KIAA1549L: variants seen among roughly 807,000 people sequenced by gnomAD.
KIAA1549L encodes the protein KIAA1549 like.
KIAA1549L carries 88 observed loss-of-function variants against 160.7 expected under a neutral mutation model. The observed-to-expected ratio is 0.55, with a 90% CI of 0.46 to 0.65. The LOEUF is 0.65. Among genes scored for constraint, KIAA1549L ranks in the 30% least tolerant of loss-of-function variants. The pLI is 0.00. For missense variants in KIAA1549L, 2,258 were observed against 2,437.5 expected (o/e 0.93, Z 1.55); for synonymous variants, 950 against 976.7 (o/e 0.97, Z 0.51).
At chr11:33,585,126 A>G (rs1855770241) in intron 11 of KIAA1549L, among the ~76,000 whole-genome samples, 2 of 152,224 alleles carry the variant, frequency 1.3e-5, no homozygotes, top group African/African-American at 4.8e-5. Flanking sequence ...GTTCTGTTTC[A>G]GTTGACACAA....
chr11:33,536,775 A>T (rs1489233697), intron 1 of KIAA1549L, among the ~76,000 whole-genome samples: 1 of 152,190 alleles, frequency 6.6e-6, no homozygotes, highest in African/African-American at 2.4e-5. Flanking sequence ...ATAAAGGAGG[A>T]TCTGTTTCCA....
chr11:33,655,919 G>T, intron 17 of KIAA1549L, 93 bp from the exon 18 acceptor site: 1 of 818,814 alleles, frequency 1.2e-6, no homozygotes, highest in Non-Finnish European at 2.1e-6. Flanking sequence ...TCTGACCCTT[G>T]GAAGTTTGCT....
At chr11:33,581,237 C>G (rs1424503843) in intron 10 of KIAA1549L, among the ~76,000 whole-genome samples, 1 of 152,136 alleles carries the variant, frequency 6.6e-6, no homozygotes, top group East Asian at 1.9e-4. Context: ...TCCAGTCACC[C>G]CAGTTATGAG....
chr11:33,563,348 C>CAAAA (rs68027285), intron 8 of KIAA1549L, among the ~76,000 whole-genome samples: 1 of 95,938 alleles, frequency 1.0e-5, no homozygotes, highest in Non-Finnish European at 2.0e-5. Context: ...GACCGTGTCT[C>CAAAA]AAAAAAAAAA....
At chr11:33,395,471 G>A (rs934405139) in intron 1 of KIAA1549L, among the ~76,000 whole-genome samples, 4 of 151,928 alleles carry the variant, frequency 2.6e-5, no homozygotes, top group Non-Finnish European at 1.5e-5. Flanking sequence ...TCTATATATC[G>A]ATGAGAAAAT....
intron 1 of KIAA1549L, among the ~76,000 whole-genome samples, chr11:33,412,264 A>G (rs1850799790): frequency 6.6e-6 from 1 of 152,208 alleles, no homozygotes; most frequent in Non-Finnish European, 1.5e-5. Context: ...AGAAAAATCT[A>G]TATGTTTATC....
At chr11:33,380,534 G>C (rs938433544) in intron 1 of KIAA1549L, among the ~76,000 whole-genome samples, 13 of 152,136 alleles carry the variant, frequency 8.5e-5, no homozygotes, top group Admixed American at 3.3e-4. Context: ...GAGTTCTGTG[G>C]ATATCTATCA....
intron 17 of KIAA1549L, among the ~76,000 whole-genome samples, chr11:33,650,164 A>G (rs955208476): frequency 3.3e-5 from 5 of 152,186 alleles, no homozygotes; most frequent in Non-Finnish European, 7.3e-5. Context: ...ATATGATTCT[A>G]TCTATCTGGG....
At chr11:33,579,152 C>T (rs1855553223) in intron 10 of KIAA1549L, among the ~76,000 whole-genome samples, 1 of 152,130 alleles carries the variant, frequency 6.6e-6, no homozygotes, top group South Asian at 2.1e-4. Context: ...CTTCATTTTC[C>T]CCACCTGTAA....
At chr11:33,478,233 G>T (rs888974695) in intron 1 of KIAA1549L, among the ~76,000 whole-genome samples, 5 of 151,058 alleles carry the variant, frequency 3.3e-5, no homozygotes, top group African/African-American at 1.2e-4. Context: ...CAGTCCTGCA[G>T]CAGCAGCTGC....
chr11:33,662,569 G>A (rs1291274809), intron 20 of KIAA1549L, among the ~76,000 whole-genome samples: 3 of 152,142 alleles, frequency 2.0e-5, no homozygotes, highest in African/African-American at 7.2e-5. Flanking sequence ...TATTGATTTT[G>A]TAATTCCACT....
At chr11:33,588,301 G>C (rs1454268934) in intron 11 of KIAA1549L, among the ~76,000 whole-genome samples, 1 of 152,170 alleles carries the variant, frequency 6.6e-6, no homozygotes, top group Non-Finnish European at 1.5e-5. Flanking sequence ...AGGATAATGG[G>C]GGCGTGAGGG....
intron 6 of KIAA1549L, among the ~76,000 whole-genome samples, chr11:33,553,917 C>T (rs185055818): frequency 6.6e-6 from 1 of 152,218 alleles, no homozygotes; most frequent in African/African-American, 2.4e-5. Context: ...ACAAACCTTC[C>T]TTGGAAAAGA....
At chr11:33,583,262 T>C (rs1855700406) in intron 10 of KIAA1549L, 76 bp from the exon 11 acceptor site, 1 of 1,366,794 alleles carries the variant, frequency 7.3e-7, no homozygotes, top group Non-Finnish European at 1.0e-6. Flanking sequence ...GGGACTGGGG[T>C]GGGGGGTTAT....
At chr11:33,553,425 A>G (rs1374712142) in intron 6 of KIAA1549L, among the ~76,000 whole-genome samples, 1 of 152,126 alleles carries the variant, frequency 6.6e-6, no homozygotes, top group Admixed American at 6.5e-5. Flanking sequence ...TGACTACTGA[A>G]CTATAAAGCC....
At position 33,470,226 on chromosome 11, in the gene KIAA1549L, T is replaced by G. The variant is rs796925366; in HGVS notation, c.239-71576T>G. On this transcript the variant is annotated intron_variant, in intron 1 of 20. Coordinates refer to ENST00000658780, the MANE Select transcript of KIAA1549L (RefSeq NM_012194.3). The stretch of plus-strand genomic sequence containing the variant: ...GAGGTAGGGTCCAATTTTGTTGTTT[T>G]ACATGTGGGTATCAATTGTCCCAGC... Among the ~76,000 whole-genome samples, 9 of 152,322 alleles carry G rather than the reference T, an allele frequency of 5.9e-5. No homozygotes were observed. The South Asian group carries it at 1.9e-3, about 32-fold the overall frequency.
At chr11:33,632,786 C>T (rs538685084) in intron 16 of KIAA1549L, among the ~76,000 whole-genome samples, 1 of 152,046 alleles carries the variant, frequency 6.6e-6, no homozygotes, top group African/African-American at 2.4e-5. Context: ...GAAATGGGGT[C>T]TCCCTATGTT....
rs767150649 is a variant in KIAA1549L at position 33,591,210 on chromosome 11, G to T, written c.4567-27G>T. The T allele has an allele frequency of 1.9e-6, 3 of 1,574,672 alleles. No homozygotes were observed. In the South Asian group the frequency reaches 3.4e-5, roughly 18 times the overall value. On this transcript the variant is annotated intron_variant, in intron 11 of 20. Transcript: ENST00000658780. ...TAGAGTCACACTTCGCTAGAAATAC[G>T]ACTGCAAATCTGTTTCCTCTTTGCA... is the stretch of plus-strand genomic sequence containing the variant.
intron 1 of KIAA1549L, among the ~76,000 whole-genome samples, chr11:33,480,201 C>G (rs1054306784): frequency 3.3e-5 from 5 of 152,182 alleles, no homozygotes; most frequent in African/African-American, 1.2e-4. Context: ...ACATTTTCCT[C>G]TTCCCCAAAA....
Sources: allele counts gnomAD v4.1 joint callset (sites outside exome capture counted in the v4.1 genomes callset), GRCh38; gene constraint gnomAD v4.1.1; transcripts MANE v1.5; gene names NCBI Gene and HGNC (gene_info 2026-07-23, HGNC 2026-07-21).